MTA3: variants seen among roughly 807,000 people sequenced by gnomAD.
MTA3 encodes metastasis-associated protein MTA3.
MTA3 carries 34 observed loss-of-function variants against 83.5 expected under a neutral mutation model. That is an observed-to-expected ratio of 0.41 (90% CI 0.31 to 0.54). The LOEUF (loss-of-function observed/expected upper bound fraction) is 0.54. Among genes scored for constraint, MTA3 ranks in the 20% least tolerant of loss-of-function variants. The pLI, the probability that MTA3 is intolerant of heterozygous loss-of-function variation, is 0.33. For synonymous variants in MTA3, 303 were observed against 252.7 expected (o/e 1.20, Z -1.89); for missense variants, 761 against 726.4 (o/e 1.05, Z -0.55).
At chr2:42,603,021 A>AT (rs1682772707) in intron 3 of MTA3, among the ~76,000 whole-genome samples, 1 of 152,140 alleles carries the variant, frequency 6.6e-6, no homozygotes, top group Admixed American at 6.5e-5. Context: ...CTTGCCTGGA[A>AT]TCCAGGATGG....
chr2:42,627,774 C>T (rs1385837818), intron 4 of MTA3, among the ~76,000 whole-genome samples: 1 of 125,516 alleles, frequency 8.0e-6, no homozygotes, highest in African/African-American at 3.1e-5. Flanking sequence ...GACATAGTTT[C>T]GCCATGTTGG....
At chr2:42,562,040 G>A (rs1677697374) in intron 2 of MTA3, among the ~76,000 whole-genome samples, 1 of 152,166 alleles carries the variant, frequency 6.6e-6, no homozygotes, top group South Asian at 2.1e-4. Flanking sequence ...TCCCATGCCA[G>A]TGGTTGCTGG....
rs1385404716 is a variant in MTA3, at chr2:42,754,938, T to A, written c.*1539T>A. On this transcript the variant is annotated 3_prime_UTR_variant, in exon 17 of 17. Transcript: ENST00000405094. ...TTCTGAGGAGGAGTTGGTTCTCATC[T>A]TAGGCTTCTGCAAGGGCGAGCATGG... 2 of 985,544 alleles carry A rather than the reference T, an allele frequency of 2.0e-6. No individual in the cohort carries two copies. The highest frequency in any genetic ancestry group is 3.5e-5 in the African/African-American group (2 of 57,238). The allele number at this position is 985,544 out of a possible 1,614,324, so 61.0% of individuals were successfully genotyped here.
In MTA3 at chr2:42,756,675, T is replaced by C; in HGVS notation, c.*3276T>C. 2.0e-6 allele frequency: 2 copies of C among 985,466 alleles called. No individual in the cohort carries two copies. Among genetic ancestry groups the C allele is most frequent in the Non-Finnish European group, 2.4e-6 (2 of 829,978 alleles). 61.0% of individuals were successfully genotyped at this position (985,466 alleles called of 1,614,324 possible). A position where few individuals can be genotyped will look rare whatever the true frequency, so the allele number is the denominator to read the frequency against. Reference sequence around the variant, plus strand: ...CTTTACTGTTGTCCCTGTTTTCCTTTGGGGGAATTTACTCAGTTAGCAGCC... The same window carrying C: ...CTTTACTGTTGTCCCTGTTTTCCTTCGGGGGAATTTACTCAGTTAGCAGCC... On this transcript the variant is annotated 3_prime_UTR_variant, in exon 17 of 17. Coordinates refer to ENST00000405094, the MANE Select transcript of MTA3 (RefSeq NM_001330442.2).
chr2:42,651,860 G>T (rs986116771), intron 6 of MTA3, among the ~76,000 whole-genome samples: 1 of 151,942 alleles, frequency 6.6e-6, no homozygotes, highest in African/African-American at 2.4e-5. Context: ...TTGGGAGGCC[G>T]AGTTGGGTGG....
intron 9 of MTA3, among the ~76,000 whole-genome samples, chr2:42,689,637 CTTAAG>C (rs1190971118): frequency 2.0e-5 from 3 of 151,970 alleles, no homozygotes; most frequent in Non-Finnish European, 2.9e-5. Context: ...TCCCTTTTAT[CTTAAG>C]TTGTCTAGTT....
intron 3 of MTA3, among the ~76,000 whole-genome samples, chr2:42,584,346 A>G (rs774653036): frequency 1.3e-5 from 2 of 152,148 alleles, no homozygotes; most frequent in Non-Finnish European, 2.9e-5. Context: ...ATCTGTAAAT[A>G]TTTCAGTACT....
At chr2:42,699,015 A>G (rs1417991369) in intron 11 of MTA3, among the ~76,000 whole-genome samples, 1 of 152,236 alleles carries the variant, frequency 6.6e-6, no homozygotes, top group Non-Finnish European at 1.5e-5. Context: ...CAGCTTTCTT[A>G]TACTTCAAAG....
At chr2:42,738,173 G>A (rs1482859800) in intron 16 of MTA3, among the ~76,000 whole-genome samples, 1 of 152,076 alleles carries the variant, frequency 6.6e-6, no homozygotes, top group African/African-American at 2.4e-5. Flanking sequence ...GAGGTGGGAG[G>A]GTGGATTGAG....
intron 2 of MTA3, among the ~76,000 whole-genome samples, chr2:42,546,710 A>G (rs977567670): frequency 1.3e-5 from 2 of 152,152 alleles, no homozygotes; most frequent in Non-Finnish European, 2.9e-5. Context: ...CTCTATTTAG[A>G]GGCATTTCCT....
At chr2:42,613,193 C>CTGA (rs1289884580) in intron 4 of MTA3, among the ~76,000 whole-genome samples, 1 of 152,064 alleles carries the variant, frequency 6.6e-6, no homozygotes, top group Non-Finnish European at 1.5e-5. Context: ...AACACATTTC[C>CTGA]TGAGTATATT....
At chr2:42,517,864 C>CAAAA (rs386390061) in intron 2 of MTA3, among the ~76,000 whole-genome samples, 1,742 of 95,094 alleles carry the variant, frequency 0.018, 55 homozygotes, top group African/African-American at 0.059. Flanking sequence ...GACTCTGTCT[C>CAAAA]AAAAAAAAAA....
At chr2:42,612,157 T>C (rs951667148) in intron 4 of MTA3, among the ~76,000 whole-genome samples, 2 of 151,904 alleles carry the variant, frequency 1.3e-5, no homozygotes, top group Non-Finnish European at 3.0e-5. Context: ...AGATGGAACA[T>C]AAAAACGTGA....
chr2:42,631,894 T>C (rs985027689), intron 4 of MTA3, among the ~76,000 whole-genome samples: 14 of 152,156 alleles, frequency 9.2e-5, no homozygotes, highest in Non-Finnish European at 2.1e-4. Context: ...AGCACCATGT[T>C]GGCCAGGCTG....
At chr2:42,738,377 T>C (rs1206183899) in intron 16 of MTA3, among the ~76,000 whole-genome samples, 1 of 152,222 alleles carries the variant, frequency 6.6e-6, no homozygotes, top group Non-Finnish European at 1.5e-5. Flanking sequence ...CTTATGCCTG[T>C]CTTTACTGCA....
intron 13 of MTA3, 69 bp from the exon 14 acceptor site, chr2:42,708,805 A>G (rs1666336178): frequency 8.5e-6 from 13 of 1,523,764 alleles, no homozygotes; most frequent in Middle Eastern, 1.7e-4. Flanking sequence ...TCTTTTGAGC[A>G]TGATGCAAAC....
At chr2:42,677,310 T>A (rs577854350) in intron 8 of MTA3, among the ~76,000 whole-genome samples, 1 of 152,244 alleles carries the variant, frequency 6.6e-6, no homozygotes, top group South Asian at 2.1e-4. Context: ...CTCGTGATAG[T>A]GAATAAGTCT....
chr2:42,516,394 A>G (rs1379028744), intron 2 of MTA3, among the ~76,000 whole-genome samples: 1 of 152,208 alleles, frequency 6.6e-6, no homozygotes, highest in Non-Finnish European at 1.5e-5. Context: ...CAGAAAATGG[A>G]TACATCTTTA....
rs1044512565 is a variant in MTA3 at position 42,509,682 on chromosome 2, G to T, written c.-141+14428G>T. ...GCTACTTGGGAGGCTGAGGTGGGAG[G>T]TTCAATTAAGCCTGGGGGGTTGAGG... is the stretch of plus-strand genomic sequence containing the variant. On this transcript the variant is annotated intron_variant, in intron 2 of 17. Coordinates refer to the MTA3 transcript ENST00000405592. Among the ~76,000 whole-genome samples, 3 of 151,760 alleles carry T rather than the reference G, an allele frequency of 2.0e-5. No homozygotes were observed. In the East Asian group the frequency reaches 5.8e-4, roughly 30 times the overall value.
Sources: gnomAD v4.1 joint callset for allele counts (sites outside exome capture counted in the v4.1 genomes callset) on GRCh38, gnomAD v4.1.1 for gene constraint, MANE v1.5 for transcripts, NCBI Gene and HGNC (gene_info 2026-07-23, HGNC 2026-07-21) for gene names.